Variants in DENND1C observed in about 807,000 individuals in gnomAD.
The protein encoded by DENND1C is DENN domain containing 1C.
Under a neutral mutation model 87.9 loss-of-function variants are expected in DENND1C, and 64 were observed. That is an observed-to-expected ratio of 0.73 (90% confidence interval 0.60 to 0.90). The LOEUF is 0.90. Among genes scored for constraint, DENND1C ranks in the 40% least tolerant of loss-of-function variants. The probability of loss-of-function intolerance (pLI) is 0.00; values close to 1 mark genes in which losing one functional copy is unlikely to be tolerated. For missense variants in DENND1C, 980 were observed against 1,037.0 expected (o/e 0.95, Z 0.76); for synonymous variants, 384 against 424.4 (o/e 0.90, Z 1.17).
intron 14 of DENND1C, among the ~76,000 whole-genome samples, chr19:6,473,731 AAAGTGTGAGTCACCGACCCGGCTGATTT>A (rs1160713636): frequency 6.1e-5 from 9 of 147,136 alleles, no homozygotes; most frequent in Non-Finnish European, 1.1e-4. Flanking sequence ...TGGCCTCTCA[AAAGTGTGAGTCACCGACCCGGCTGATTT>A]AAGCATTTAT....
chr19:6,478,887 C>T (rs746838580), intron 5 of DENND1C, 35 bp from the exon 6 acceptor site: 2 of 1,613,756 alleles, frequency 1.2e-6, no homozygotes, highest in South Asian at 1.1e-5. Context: ...ACGAAGTGTC[C>T]CTAGGCCTCG....
At chr19:6,471,565 C>G (rs2092829917) in intron 15 of DENND1C, 69 bp from the exon 16 acceptor site, 2 of 1,403,784 alleles carry the variant, frequency 1.4e-6, no homozygotes, top group Non-Finnish European at 1.9e-6. Context: ...CGAAGCCTGC[C>G]TGCTGTCAAG....
chr19:6,468,733 G>T, intron 20 of DENND1C, 88 bp from the exon 21 acceptor site: 2 of 1,367,090 alleles, frequency 1.5e-6, no homozygotes, highest in Non-Finnish European at 1.9e-6. Context: ...TGAAGTGGGT[G>T]CCACATATTT....
chr19:6,468,377 A>AGCT lies in DENND1C; in HGVS notation c.1645_1647dup (p.Ser549dup). 1 of 1,613,920 alleles carries AGCT rather than the reference A, an allele frequency of 6.2e-7. No homozygotes were observed. The highest frequency in any genetic ancestry group is 8.5e-7 in the Non-Finnish European group (1 of 1,179,860). On this transcript the variant is annotated inframe_insertion, in exon 22 of 23. Coordinates refer to ENST00000381480, the MANE Select transcript of DENND1C (RefSeq NM_024898.4). Reference sequence around the variant, plus strand: ...TCCAGTTCTTCTCCAGACCCCAAGAAGCTGCTGTCCAGAGCTTCTTCTGCC... The same window carrying AGCT: ...TCCAGTTCTTCTCCAGACCCCAAGAAGCTGCTGCTGTCCAGAGCTTCTTCTGCC...
chr19:6,471,224 C>A, intron 17 of DENND1C, 41 bp downstream of exon 17: 3 of 1,558,924 alleles, frequency 1.9e-6, no homozygotes, highest in Non-Finnish European at 2.6e-6. Flanking sequence ...GGATTACAGG[C>A]CTAAGCCAAC....
At chr19:6,476,139 G>A (rs952590972) in intron 10 of DENND1C, 1 of 577,924 alleles carries the variant, frequency 1.7e-6, no homozygotes, top group Non-Finnish European at 3.0e-6. Flanking sequence ...GGTGAAGCCA[G>A]GACTCATACC....
intron 7 of DENND1C, 31 bp from the exon 8 acceptor site, chr19:6,477,314 A>C (rs964291872): frequency 1.4e-5 from 22 of 1,604,016 alleles, no homozygotes; most frequent in Non-Finnish European, 1.8e-5. Flanking sequence ...TGTGGTCATG[A>C]TGGCTGGGAC....
intron 18 of DENND1C, chr19:6,470,018 G>C (rs2092818659): frequency 2.6e-6 from 1 of 390,756 alleles, no homozygotes; most frequent in Admixed American, 4.0e-5. Context: ...AGGACAAAAA[G>C]AATGTTTGCC....
intron 4 of DENND1C, among the ~76,000 whole-genome samples, chr19:6,479,332 CCT>C (rs2092884012): frequency 6.7e-6 from 1 of 148,804 alleles, no homozygotes; most frequent in Non-Finnish European, 1.5e-5. Context: ...TCCCTGAGTC[CCT>C]GAGTCCCTGA....
chr19:6,471,791 C>T (rs1468846223), intron 15 of DENND1C, among the ~76,000 whole-genome samples: 5 of 152,142 alleles, frequency 3.3e-5, no homozygotes, highest in Non-Finnish European at 7.4e-5. Flanking sequence ...TACAGGCATG[C>T]ACCACCATGC....
At chr19:6,479,210 T>A in intron 4 of DENND1C, 154 bp from the exon 5 acceptor site, 1 of 1,105,386 alleles carries the variant, frequency 9.0e-7, no homozygotes. Context: ...AATCCCTGGG[T>A]CCCTGAATCT....
At chr19:6,476,304 C>A in intron 10 of DENND1C, 1 of 235,798 alleles carries the variant, frequency 4.2e-6, no homozygotes, top group South Asian at 8.7e-5. Context: ...AGGGGTGGAT[C>A]CAAGACGTAA....
chr19:6,479,573 T>C lies in DENND1C; in HGVS notation c.176+96A>G, dbSNP rs75029872. The C allele has an allele frequency of 8.7e-3, 13,074 of 1,509,384 alleles. 968 individuals carry two copies. The African/African-American group carries it at 0.16, about 19-fold the overall frequency. The allele number at this position is 1,509,384 out of a possible 1,614,324, so 93.5% of individuals were successfully genotyped here. On this transcript the variant is annotated intron_variant, in intron 4 of 22. Transcript: ENST00000381480. Reference sequence around the variant, plus strand: ...CTGAGTCTCAGGGTCCTCGAGTGTATGGGTTTCCAGATGTCTGAGTCTCTA... The same window carrying C: ...CTGAGTCTCAGGGTCCTCGAGTGTACGGGTTTCCAGATGTCTGAGTCTCTA...
Position 6,477,219 on chromosome 19 carries a change from G to A in DENND1C, c.512C>T (p.Pro171Leu), listed in dbSNP as rs748693353. 4 of 1,586,388 alleles carry A rather than the reference G, an allele frequency of 2.5e-6. No individual in the cohort carries two copies. Among genetic ancestry groups the A allele is most frequent in the African/African-American group, 2.7e-5 (2 of 73,648 alleles). Residue 171 changes from proline (P) to leucine (L), a missense_variant and splice_region_variant, in exon 8 of 23, where the codon CCG becomes CTG. Transcript: ENST00000381480. ...IPPPTRGNSKPLSCFVAPDSG... is the reference protein window; with the variant it reads ...IPPPTRGNSKLLSCFVAPDSG... The stretch of plus-strand genomic sequence containing the variant: ...CCAGGGTCCCCGAGCCCCGCTCACC[G>A]GCTTGCTATTCCCCCGGGTAGGGGG...
At chr19:6,477,874 G>C (rs1349904020) in intron 6 of DENND1C, among the ~76,000 whole-genome samples, 2 of 148,336 alleles carry the variant, frequency 1.3e-5, no homozygotes, top group East Asian at 4.1e-4. Context: ...GTCCAGCCTG[G>C]CCAACATAGT....
In DENND1C at chr19:6,476,894, T is replaced by A; in HGVS notation, c.641A>T (p.Glu214Val). Residue 214 changes from glutamate (E) to valine (V), a missense_variant, in exon 10 of 23, where the codon GAG (glutamate) becomes GTG (valine). Glu to Val is a moderately radical substitution (Grantham distance 121, BLOSUM62 -2). Coordinates refer to ENST00000381480, the MANE Select transcript of DENND1C (RefSeq NM_024898.4). ...IVGLFAALLA[E>V]RRVLLTASKL... ...GCTGGCGGTGAGCAGGACTCTTCTC[T>A]CGGCCAGGAGCGCCGCGAACAGCCC... 1 of 1,613,086 alleles carries A rather than the reference T, an allele frequency of 6.2e-7. No homozygotes were observed.
chr19:6,480,077 G>A (rs1263462157), intron 1 of DENND1C, 26 bp from the exon 2 acceptor site: 1 of 1,594,104 alleles, frequency 6.3e-7, no homozygotes, highest in Non-Finnish European at 8.5e-7. Context: ...GGGGTCCAGA[G>A]ACTTGCTTCT....
chr19:6,470,405 C>T (rs570067876), intron 17 of DENND1C, 39 bp from the exon 18 acceptor site: 1 of 1,589,088 alleles, frequency 6.3e-7, no homozygotes, highest in Non-Finnish European at 8.6e-7. Flanking sequence ...AGGCTAGGGC[C>T]AGATCCCACC....
chr19:6,470,071 C>T (rs1198198021), intron 18 of DENND1C: 10 of 345,058 alleles, frequency 2.9e-5, no homozygotes, highest in Middle Eastern at 1.6e-3. Flanking sequence ...GTGGGCGGGG[C>T]GGAGGGGGGC....
Sources: allele counts gnomAD v4.1 joint callset (sites outside exome capture counted in the v4.1 genomes callset), GRCh38; gene constraint gnomAD v4.1.1; transcripts MANE v1.5; gene names NCBI Gene and HGNC (gene_info 2026-07-23, HGNC 2026-07-21).